Variants in PEPD observed in about 807,000 individuals in gnomAD.
PEPD encodes peptidase D.
Under a neutral mutation model 60.7 loss-of-function variants are expected in PEPD, and 53 were observed. That is an observed-to-expected ratio of 0.87 (90% CI 0.70 to 1.10). PEPD has a LOEUF of 1.10. PEPD is among the 50% of genes least tolerant of loss of function. The pLI is 0.00. For missense variants in PEPD, 711 were observed against 711.9 expected, an observed-to-expected ratio of 1.00 and a Z score of 0.01; for synonymous variants, 267 against 284.1, an observed-to-expected ratio of 0.94 and a Z score of 0.60.
chr19:33,470,369 T>C (rs566849360), intron 7 of PEPD, among the ~76,000 whole-genome samples: 2 of 152,198 alleles, frequency 1.3e-5, no homozygotes, highest in South Asian at 2.1e-4. Context: ...ACAACTCACG[T>C]AGGTGCAGGC....
At chr19:33,442,644 G>A (rs1248889945) in intron 9 of PEPD, among the ~76,000 whole-genome samples, 3 of 152,016 alleles carry the variant, frequency 2.0e-5, no homozygotes, top group Non-Finnish European at 2.9e-5. Context: ...GGGATGCAGA[G>A]GTTGCAGTGA....
intron 11 of PEPD, 127 bp from the exon 12 acceptor site, chr19:33,401,996 A>T: frequency 1.2e-6 from 1 of 830,384 alleles, no homozygotes; most frequent in Non-Finnish European, 2.0e-6. Context: ...CCCCCTCACA[A>T]TGAGACCGGT....
rs113420775 is a variant in PEPD at position 33,487,807 on chromosome 19, C to A, written c.503+2189G>T. Reference sequence around the variant, plus strand: ...TTTGCAGAGCACAGGCTCCTCTGGGCTCTTGGCAGAGGCCACAGGGACTGG... The same window carrying A: ...TTTGCAGAGCACAGGCTCCTCTGGGATCTTGGCAGAGGCCACAGGGACTGG... On this transcript the variant is annotated intron_variant, in intron 6 of 14. Transcript: ENST00000244137. Among the ~76,000 whole-genome samples the A allele has an allele frequency of 1.6e-4, 24 of 152,278 alleles. 2 individuals are homozygous for A. Among genetic ancestry groups the A allele is most frequent in the African/African-American group, 5.1e-4 (21 of 41,568 alleles).
At chr19:33,402,616 T>C (rs1267620374) in intron 11 of PEPD, among the ~76,000 whole-genome samples, 1 of 152,162 alleles carries the variant, frequency 6.6e-6, no homozygotes. Flanking sequence ...CAGCCTCATG[T>C]CCAGCAAGGC....
intron 6 of PEPD, among the ~76,000 whole-genome samples, chr19:33,488,538 G>A (rs967800237): frequency 6.6e-6 from 1 of 152,086 alleles, no homozygotes; most frequent in Non-Finnish European, 1.5e-5. Context: ...CTGAGGGCCT[G>A]GGGGCCTGGG....
At chr19:33,425,669 T>C (rs1213841120) in intron 9 of PEPD, among the ~76,000 whole-genome samples, 1 of 152,132 alleles carries the variant, frequency 6.6e-6, no homozygotes, top group Non-Finnish European at 1.5e-5. Context: ...AAAAGCATCT[T>C]AAAACATATA....
rs963318995 is a variant in PEPD, at chr19:33,460,006, C to T, written c.671+2989G>A. Among the ~76,000 whole-genome samples the T allele has an allele frequency of 3.9e-5, 6 of 152,254 alleles. No homozygotes were observed. The East Asian group carries it at 7.7e-4, about 20-fold the overall frequency. On this transcript the variant is annotated intron_variant, in intron 9 of 14. Transcript: ENST00000244137. Reference sequence around the variant, plus strand: ...GTTTCCTTTGAACCCAGTGAGTCAGCGATTCACACAGCAGTGCAGCTGCCC... The same window carrying T: ...GTTTCCTTTGAACCCAGTGAGTCAGTGATTCACACAGCAGTGCAGCTGCCC...
intron 9 of PEPD, among the ~76,000 whole-genome samples, chr19:33,421,750 C>G (rs1237653055): frequency 6.6e-6 from 1 of 152,180 alleles, no homozygotes; most frequent in Admixed American, 6.5e-5. Context: ...CCACCTCGGC[C>G]TCCCAAAGGT....
intron 7 of PEPD, among the ~76,000 whole-genome samples, chr19:33,475,645 T>C (rs940079055): frequency 2.0e-5 from 3 of 152,172 alleles, no homozygotes; most frequent in African/African-American, 4.8e-5. Context: ...CCTTAGGAGA[T>C]GGCAGGAGTA....
chr19:33,392,421 T>C (rs1320627094), intron 12 of PEPD, among the ~76,000 whole-genome samples: 1 of 152,210 alleles, frequency 6.6e-6, no homozygotes, highest in Non-Finnish European at 1.5e-5. Flanking sequence ...CTGCTGGACT[T>C]GGCTTGAGCA....
chr19:33,487,034 G>A (rs776283085), intron 6 of PEPD: 14 of 152,418 alleles, frequency 9.2e-5, no homozygotes, highest in Non-Finnish European at 1.6e-4. Flanking sequence ...CAACTGGGGC[G>A]GAAGCAGCTG....
At chr19:33,483,275 A>C (rs1441155053) in intron 6 of PEPD, among the ~76,000 whole-genome samples, 1 of 152,226 alleles carries the variant, frequency 6.6e-6, no homozygotes, top group Non-Finnish European at 1.5e-5. Flanking sequence ...CCCTTGAAGA[A>C]AGCAATGAAA....
At chr19:33,472,117 A>C (rs141767100) in intron 7 of PEPD, among the ~76,000 whole-genome samples, 1,767 of 150,266 alleles carry the variant, frequency 0.012, 26 homozygotes, top group South Asian at 0.071. Context: ...GCCAAGATTG[A>C]GCCATTGCAC....
chr19:33,498,605 G>C (rs1350061454), intron 4 of PEPD, among the ~76,000 whole-genome samples: 1 of 152,160 alleles, frequency 6.6e-6, no homozygotes, highest in Non-Finnish European at 1.5e-5. Flanking sequence ...TTGAGACAGG[G>C]TCCTGGAGGC....
In PEPD at chr19:33,391,408, G is replaced by A. The variant is rs1309057040; in HGVS notation, c.1039C>T (p.Leu347=). Residue 347 remains leucine, a synonymous_variant, in exon 13 of 15, where the codon CTG becomes TTG. Coordinates refer to ENST00000244137, the MANE Select transcript of PEPD (RefSeq NM_000285.4). ...HLEELAHMGI[L]SGSVDAMVQA... Reference sequence around the variant, plus strand: ...ACCATGGCGTCCACGCTGCCGCTCAGGATGCCCATGTGGGCCAGCTCCTCC... The same window carrying A: ...ACCATGGCGTCCACGCTGCCGCTCAAGATGCCCATGTGGGCCAGCTCCTCC... The A allele has an allele frequency of 6.3e-7, 1 of 1,581,334 alleles. No homozygotes were observed. The highest frequency in any genetic ancestry group is 8.6e-7 in the Non-Finnish European group (1 of 1,163,456).
intron 9 of PEPD, among the ~76,000 whole-genome samples, chr19:33,458,609 C>T (rs1487250436): frequency 4.3e-4 from 37 of 85,942 alleles, no homozygotes; most frequent in South Asian, 4.3e-3. Context: ...ATGGTGTGGG[C>T]GGTGTGTATG....
At chr19:33,502,691 T>A (rs1970734055) in intron 3 of PEPD, among the ~76,000 whole-genome samples, 1 of 151,988 alleles carries the variant, frequency 6.6e-6, no homozygotes, top group Non-Finnish European at 1.5e-5. Flanking sequence ...GGCCACCACT[T>A]CATTTACACC....
At chr19:33,411,093 C>A (rs1354449898) in intron 11 of PEPD, among the ~76,000 whole-genome samples, 1 of 152,184 alleles carries the variant, frequency 6.6e-6, no homozygotes. Context: ...CAGGGCCTGC[C>A]CACATCTCCT....
intron 1 of PEPD, among the ~76,000 whole-genome samples, chr19:33,518,728 T>G (rs1210659345): frequency 6.6e-6 from 1 of 152,146 alleles, no homozygotes; most frequent in African/African-American, 2.4e-5. Flanking sequence ...AGCCACAGAC[T>G]GGCCCTGCGG....
Sources: gnomAD v4.1 joint callset for allele counts (sites outside exome capture counted in the v4.1 genomes callset) on GRCh38, gnomAD v4.1.1 for gene constraint, MANE v1.5 for transcripts, NCBI Gene and HGNC (gene_info 2026-07-23, HGNC 2026-07-21) for gene names.